PTPRN2: variants seen among roughly 807,000 people sequenced by gnomAD.
The protein encoded by PTPRN2 is protein tyrosine phosphatase receptor type N2.
In PTPRN2, 74 loss-of-function variants were observed where a neutral mutation model predicts 118.8. That is an observed-to-expected ratio of 0.62 (90% CI 0.52 to 0.76). PTPRN2 has a LOEUF of 0.76. PTPRN2 is among the 30% of genes least tolerant of loss of function. The probability of loss-of-function intolerance (pLI) is 0.00; values close to 1 mark genes in which losing one functional copy is unlikely to be tolerated. For missense variants in PTPRN2, 1,481 were observed against 1,394.4 expected (o/e 1.06, Z -0.99); for synonymous variants, 641 against 608.0 (o/e 1.05, Z -0.80).
intron 2 of PTPRN2, among the ~76,000 whole-genome samples, chr7:158,330,620 A>C (rs371385426): frequency 2.8e-3 from 178 of 63,402 alleles, no homozygotes; most frequent in Middle Eastern, 0.014. Context: ...CACTCTCACC[A>C]TAAGAGGTGA....
intron 1 of PTPRN2, among the ~76,000 whole-genome samples, chr7:158,523,094 AG>A (rs1225279722): frequency 1.3e-5 from 2 of 152,204 alleles, no homozygotes; most frequent in Non-Finnish European, 2.9e-5. Context: ...GGGTCTCAGA[AG>A]AACAAGATAA....
intron 10 of PTPRN2, among the ~76,000 whole-genome samples, chr7:158,094,865 G>T (rs1223285264): frequency 1.3e-5 from 2 of 152,160 alleles, no homozygotes; most frequent in African/African-American, 2.4e-5. Flanking sequence ...ATCCCTCAGG[G>T]TCTCCTGGGC....
At chr7:157,884,210 A>G (rs1401033850) in intron 12 of PTPRN2, among the ~76,000 whole-genome samples, 3 of 152,232 alleles carry the variant, frequency 2.0e-5, no homozygotes, top group South Asian at 4.1e-4. Context: ...TGACTGTCAG[A>G]GACCAGAACA....
chr7:158,336,743 G>A (rs1288432124), intron 2 of PTPRN2, among the ~76,000 whole-genome samples: 1,165 of 81,164 alleles, frequency 0.014, 1 homozygote, highest in African/African-American at 0.049. Context: ...GCCCGCAGAC[G>A]TCACTCACAC....
chr7:158,256,971 T>C (rs945850864), intron 3 of PTPRN2, among the ~76,000 whole-genome samples: 1 of 152,182 alleles, frequency 6.6e-6, no homozygotes, highest in East Asian at 1.9e-4. Context: ...GTCTGGGAGC[T>C]TGGGTTTCAG....
chr7:157,961,067 G>A (rs1259569676), intron 11 of PTPRN2, among the ~76,000 whole-genome samples: 1 of 152,078 alleles, frequency 6.6e-6, no homozygotes, highest in East Asian at 1.9e-4. Context: ...CAAAACCATG[G>A]AAGTGAAATT....
intron 5 of PTPRN2, among the ~76,000 whole-genome samples, chr7:158,189,078 A>G (rs1161632520): frequency 1.3e-5 from 2 of 152,144 alleles, no homozygotes; most frequent in African/African-American, 4.8e-5. Context: ...TCACTAGGAT[A>G]CCTCCCAATG....
rs539614459 is a variant in PTPRN2 at position 158,587,623 on chromosome 7, G to GGCA, written c.44_46dup (p.Leu15dup). ...AGGGGCGGCAGGCAGGACGCGTGGC[G>GGCA]GCAGCAGCAGCAGTAGCAGCAGCAG... On this transcript the variant is annotated inframe_insertion, in exon 1 of 23. Transcript: ENST00000389418. 245 of 1,360,402 alleles carry GGCA rather than the reference G, an allele frequency of 1.8e-4. 1 individual carries two copies. The African/African-American group carries it at 3.0e-3, about 17-fold the overall frequency. The allele number at this position is 1,360,402 out of a possible 1,614,324, so 84.3% of individuals were successfully genotyped here. A position where few individuals can be genotyped will look rare whatever the true frequency, so the allele number is the denominator to read the frequency against.
At chr7:158,373,213 C>A (rs1198705546) in intron 2 of PTPRN2, among the ~76,000 whole-genome samples, 1 of 152,220 alleles carries the variant, frequency 6.6e-6, no homozygotes, top group African/African-American at 2.4e-5. Flanking sequence ...CCGTACGCTG[C>A]GGAATCGCAT....
intron 12 of PTPRN2, among the ~76,000 whole-genome samples, chr7:157,736,273 CA>C (rs1432630888): frequency 2.0e-5 from 3 of 152,292 alleles, no homozygotes; most frequent in Non-Finnish European, 2.9e-5. Flanking sequence ...TCTGGCCTTG[CA>C]GTTTTAGAGG....
chr7:158,172,577 C>T (rs1266374519), intron 5 of PTPRN2, among the ~76,000 whole-genome samples: 2 of 151,036 alleles, frequency 1.3e-5, no homozygotes, highest in Non-Finnish European at 2.9e-5. Context: ...TCCACAACAG[C>T]ATCTCCACTA....
At chr7:158,258,703 C>T (rs1797191277) in intron 3 of PTPRN2, among the ~76,000 whole-genome samples, 1 of 152,230 alleles carries the variant, frequency 6.6e-6, no homozygotes, top group African/African-American at 2.4e-5. Flanking sequence ...TCAGCAACCA[C>T]CAGCCGTTGG....
rs1806223605 is a variant in PTPRN2 at position 157,813,980 on chromosome 7, C to T, written c.1788+84693G>A. The stretch of plus-strand genomic sequence containing the variant: ...GTTTGTGGTGCTTTGGAGGAGTTTG[C>T]TCCTTAGAGTGAGGGGGATTGTTCT... On this transcript the variant is annotated intron_variant, in intron 12 of 22. Transcript: ENST00000389418. This position sits in a 1 kb window ranked among gnomAD's most constrained non-coding sequence, Gnocchi z 4.7. Among the ~76,000 whole-genome samples, 1 of 152,246 alleles carries T rather than the reference C, an allele frequency of 6.6e-6. No individual in the cohort carries two copies. The highest frequency in any genetic ancestry group is 2.4e-5 in the African/African-American group (1 of 41,468).
At chr7:158,048,663 A>G (rs1313220452) in intron 11 of PTPRN2, among the ~76,000 whole-genome samples, 2 of 27,264 alleles carry the variant, frequency 7.3e-5, no homozygotes, top group African/African-American at 1.4e-4. Context: ...CACCATCACC[A>G]TCATTACCAT....
At chr7:158,119,435 T>C (rs184746010) in intron 9 of PTPRN2, among the ~76,000 whole-genome samples, 15 of 152,298 alleles carry the variant, frequency 9.8e-5, no homozygotes, top group African/African-American at 3.4e-4. Context: ...TTGGTGAGAA[T>C]GTAACACGGT....
intron 2 of PTPRN2, among the ~76,000 whole-genome samples, chr7:158,361,371 C>G (rs62494364): frequency 0.57 from 2,436 of 4,248 alleles, 889 homozygotes; most frequent in South Asian, 0.6. Flanking sequence ...CCAGGATGAC[C>G]CACAGACGCC....
intron 3 of PTPRN2, among the ~76,000 whole-genome samples, chr7:158,263,284 A>G (rs543005974): frequency 6.7e-6 from 1 of 150,046 alleles, no homozygotes; most frequent in East Asian, 1.9e-4. Context: ...TGTTGCACTC[A>G]CAGTCACATG....
chr7:158,321,850 C>T (rs10234067), intron 2 of PTPRN2, among the ~76,000 whole-genome samples: 61,055 of 151,998 alleles, frequency 0.4, 12,462 homozygotes, highest in Middle Eastern at 0.48. Context: ...AACTCATACA[C>T]GCACATAAGC....
At chr7:157,565,245 T>C (rs1295045523) in intron 21 of PTPRN2, among the ~76,000 whole-genome samples, 7 of 152,188 alleles carry the variant, frequency 4.6e-5, no homozygotes, top group Admixed American at 6.5e-5. Flanking sequence ...CACCGTCCAC[T>C]CACATTCACG....
Sources: gnomAD v4.1 joint callset for allele counts (sites outside exome capture counted in the v4.1 genomes callset) on GRCh38, gnomAD v4.1.1 for gene constraint, Gnocchi (gnomAD v3.1) non-coding constraint, MANE v1.5 for transcripts, NCBI Gene and HGNC (gene_info 2026-07-23, HGNC 2026-07-21) for gene names.